The following RBFOX1 variants were observed in gnomAD, a reference collection of about 807,000 sequenced individuals.
The protein encoded by RBFOX1 is RNA binding fox-1 homolog 1, also known as RNA binding protein fox-1 homolog 1.
In RBFOX1, 8 loss-of-function variants were observed where a neutral mutation model predicts 57.7. That is an observed-to-expected ratio of 0.14 (90% CI 0.08 to 0.25). The LOEUF is 0.25. RBFOX1 is among the 10% of genes least tolerant of loss of function. The pLI is 1.00. For synonymous variants in RBFOX1, 326 were observed against 222.4 expected (o/e 1.47, Z -4.15); for missense variants, 611 against 548.5 (o/e 1.11, Z -1.14).
chr16:6,105,205 T>C (rs1334856565), intron 1 of RBFOX1, among the ~76,000 whole-genome samples: 1 of 152,222 alleles, frequency 6.6e-6, no homozygotes, highest in Non-Finnish European at 1.5e-5. Flanking sequence ...ATTTTTAAGT[T>C]ACTGTTTTGG....
At chr16:7,251,036 C>A (rs1310082535) in intron 4 of RBFOX1, among the ~76,000 whole-genome samples, 2 of 152,134 alleles carry the variant, frequency 1.3e-5, no homozygotes, top group Non-Finnish European at 2.9e-5. Context: ...ATCTACTCTT[C>A]CAGTGATTTT....
chr16:6,433,945 T>A (rs948005485), intron 2 of RBFOX1, among the ~76,000 whole-genome samples: 8 of 151,540 alleles, frequency 5.3e-5, no homozygotes, highest in African/African-American at 1.9e-4. Context: ...CCTCCCGGGT[T>A]CAAGCAATTT....
intron 3 of RBFOX1, among the ~76,000 whole-genome samples, chr16:6,914,129 C>T (rs1011936160): frequency 6.6e-6 from 1 of 152,174 alleles, no homozygotes; most frequent in African/African-American, 2.4e-5. Context: ...CTGCATGCTG[C>T]TGTGAAGGAA....
intron 3 of RBFOX1, among the ~76,000 whole-genome samples, chr16:6,789,406 T>C (rs985948842): frequency 6.6e-6 from 1 of 152,202 alleles, no homozygotes; most frequent in African/African-American, 2.4e-5. Flanking sequence ...ATCAATTTTA[T>C]AATTTTTAAG....
rs115831369 is a variant in RBFOX1 at position 6,672,446 on chromosome 16, A to G, written c.-16+17796A>G. On this transcript the variant is annotated intron_variant, in intron 3 of 15. Transcript: ENST00000550418. ...AGGAAGGAAAAAGAAAAGAAAGAGA[A>G]AAGAAAGGAAAGGAAGGAAAGAAGG... Among the ~76,000 whole-genome samples, 1,366 of 151,674 alleles carry G rather than the reference A, an allele frequency of 9.0e-3. 17 individuals carry two copies. The highest frequency in any genetic ancestry group is 0.031 in the African/African-American group (1,300 of 41,298).
At chr16:7,388,370 C>G (rs1408792629) in intron 4 of RBFOX1, among the ~76,000 whole-genome samples, 2 of 152,184 alleles carry the variant, frequency 1.3e-5, no homozygotes, top group Non-Finnish European at 2.9e-5. Flanking sequence ...TGAATACTGT[C>G]TGAACATAAC....
chr16:7,139,773 G>T (rs553207623), intron 4 of RBFOX1, among the ~76,000 whole-genome samples: 27 of 151,762 alleles, frequency 1.8e-4, no homozygotes, highest in Non-Finnish European at 3.4e-4. Context: ...TTTTTTTTAA[G>T]TTCATCGGTG....
chr16:5,648,592 C>T (rs539177537), intron 3 of RBFOX1, among the ~76,000 whole-genome samples: 4 of 152,184 alleles, frequency 2.6e-5, no homozygotes, highest in African/African-American at 9.6e-5. Context: ...ATGCACAGGA[C>T]ATCTCCCACC....
intron 3 of RBFOX1, among the ~76,000 whole-genome samples, chr16:6,915,195 C>T (rs950982255): frequency 9.2e-5 from 14 of 152,134 alleles, no homozygotes; most frequent in Admixed American, 2.0e-4. Flanking sequence ...CCCAGGCTCC[C>T]GGAGACCCAC....
At chr16:7,385,956 T>G (rs2097870698) in intron 4 of RBFOX1, among the ~76,000 whole-genome samples, 1 of 150,996 alleles carries the variant, frequency 6.6e-6, no homozygotes, top group Non-Finnish European at 1.5e-5. Context: ...ATTTATTTAT[T>G]TATTTTTTAT....
At chr16:6,810,822 C>T (rs1021265148) in intron 3 of RBFOX1, among the ~76,000 whole-genome samples, 2 of 152,130 alleles carry the variant, frequency 1.3e-5, no homozygotes, top group Non-Finnish European at 2.9e-5. Flanking sequence ...ATCAGGAGAA[C>T]AGTGTGCCGG....
chr16:6,816,982 A>G (rs1349180567), intron 3 of RBFOX1, among the ~76,000 whole-genome samples: 1 of 152,046 alleles, frequency 6.6e-6, no homozygotes, highest in African/African-American at 2.4e-5. Context: ...TCCTGTGCTC[A>G]AGCGATCCCA....
At chr16:7,697,041 G>T (rs960505790) in intron 14 of RBFOX1, among the ~76,000 whole-genome samples, 9 of 152,152 alleles carry the variant, frequency 5.9e-5, no homozygotes, top group African/African-American at 2.2e-4. Context: ...ACATATTTGG[G>T]ATTTTAACAG....
chr16:5,487,414 C>T (rs1224996593), intron 2 of RBFOX1, among the ~76,000 whole-genome samples: 3 of 152,186 alleles, frequency 2.0e-5, no homozygotes, highest in Non-Finnish European at 4.4e-5. Context: ...AGTTTCAGAT[C>T]TTGCAGAAGC....
At chr16:6,303,868 A>C (rs1057424439) in intron 1 of RBFOX1, among the ~76,000 whole-genome samples, 1 of 143,044 alleles carries the variant, frequency 7.0e-6, no homozygotes, top group African/African-American at 2.6e-5. Flanking sequence ...CTGGAGTGCA[A>C]TGGCGCTATC....
intron 3 of RBFOX1, among the ~76,000 whole-genome samples, chr16:6,883,165 T>G (rs1173925313): frequency 6.6e-6 from 1 of 152,204 alleles, no homozygotes; most frequent in African/African-American, 2.4e-5. Context: ...CCATTTATAT[T>G]AAAGATACGT....
intron 1 of RBFOX1, among the ~76,000 whole-genome samples, chr16:6,094,758 A>G (rs2096223572): frequency 6.6e-6 from 1 of 152,210 alleles, no homozygotes; most frequent in South Asian, 2.1e-4. Context: ...TGTGAGGATT[A>G]AATTAAATTA....
chr16:6,785,146 T>G (rs922373957), intron 3 of RBFOX1, among the ~76,000 whole-genome samples: 4 of 152,032 alleles, frequency 2.6e-5, no homozygotes, highest in Middle Eastern at 3.4e-3. Flanking sequence ...GTGTTATATT[T>G]CATTTCTGAA....
At chr16:7,173,981 G>C (rs550505320) in intron 4 of RBFOX1, among the ~76,000 whole-genome samples, 1 of 152,290 alleles carries the variant, frequency 6.6e-6, no homozygotes, top group African/African-American at 2.4e-5. Flanking sequence ...GGTCTTCCAA[G>C]AAAGAGTTCA....
Sources: allele counts gnomAD v4.1 joint callset (sites outside exome capture counted in the v4.1 genomes callset), GRCh38; gene constraint gnomAD v4.1.1; transcripts MANE v1.5; gene names NCBI Gene and HGNC (gene_info 2026-07-23, HGNC 2026-07-21).